ANO4: variants seen among roughly 807,000 people sequenced by gnomAD.
ANO4 encodes the protein anoctamin 4, also known as anoctamin-4.
In ANO4, 69 loss-of-function variants were observed where a neutral mutation model predicts 141.9. The ratio of observed to expected loss-of-function variants is 0.49; its 90% CI spans 0.40 to 0.59. The LOEUF (loss-of-function observed/expected upper bound fraction) is 0.59, where lower values mean the gene tolerates loss of function less well. Ranked by LOEUF, ANO4 falls within the 20% of genes least tolerant of loss-of-function variation. The pLI, the probability that ANO4 is intolerant of heterozygous loss-of-function variation, is 0.00. For missense variants in ANO4, 894 were observed against 1,162.2 expected, an observed-to-expected ratio of 0.77 and a Z score of 3.36; for synonymous variants, 350 against 394.3, an observed-to-expected ratio of 0.89 and a Z score of 1.33.
rs1593379234 is a variant in ANO4 at position 100,806,523 on chromosome 12, C to CTTTTTTTTTTTTTTTTTTTTTTTTTTT, written c.-141+11496_-141+11497insTTTTTTTTTTTTTTTTTTTTTTTTTTT. ...TTTTTAGGAGGTTTTTTTTTTGTTTCGTTTTTTTTTTTTTTTTTTTTTTTT... is the reference window on the plus strand; with the variant it reads ...TTTTTAGGAGGTTTTTTTTTTGTTTCTTTTTTTTTTTTTTTTTTTTTTTTTTTGTTTTTTTTTTTTTTTTTTTTTTTT... On this transcript the variant is annotated intron_variant, in intron 1 of 27. Coordinates refer to ENST00000392977, the MANE Select transcript of ANO4 (RefSeq NM_001286615.2). 3.8e-4 allele frequency among the ~76,000 whole-genome samples: 17 copies of CTTTTTTTTTTTTTTTTTTTTTTTTTTT among 44,966 alleles called. 4 individuals are homozygous for CTTTTTTTTTTTTTTTTTTTTTTTTTTT. Among genetic ancestry groups the CTTTTTTTTTTTTTTTTTTTTTTTTTTT allele is most frequent in the African/African-American group, 7.3e-4 (10 of 13,674 alleles). 29.5% of individuals were successfully genotyped at this position (44,966 alleles called of 152,430 possible).
chr12:100,871,554 A>G (rs1274794152), intron 1 of ANO4, among the ~76,000 whole-genome samples: 1 of 152,196 alleles, frequency 6.6e-6, no homozygotes, highest in Non-Finnish European at 1.5e-5. Context: ...TGTAGACTGA[A>G]TGCCCTGACA....
intron 5 of ANO4, among the ~76,000 whole-genome samples, chr12:100,945,499 T>C (rs951544063): frequency 4.6e-5 from 7 of 152,242 alleles, no homozygotes; most frequent in Admixed American, 2.0e-4. Context: ...ATCTATCCAC[T>C]TAAAGTGATT....
intron 8 of ANO4, among the ~76,000 whole-genome samples, chr12:100,989,073 A>G (rs76999068): frequency 0.032 from 4,844 of 152,192 alleles, 273 homozygotes; most frequent in African/African-American, 0.11. Context: ...CAGTAAGAGC[A>G]GTCTAATGCA....
rs181735135 is a variant in ANO4 at position 101,028,654 on chromosome 12, A to C, written c.842-8441A>C. On this transcript the variant is annotated intron_variant, in intron 9 of 27. Coordinates refer to ENST00000392977, the MANE Select transcript of ANO4 (RefSeq NM_001286615.2). ...AAAAGAATAAAAAGGAACAAACAAAACCTCCAAGAAATATGGGACTTCATA... is the reference window on the plus strand; with the variant it reads ...AAAAGAATAAAAAGGAACAAACAAACCCTCCAAGAAATATGGGACTTCATA... Among the ~76,000 whole-genome samples, 726 of 152,216 alleles carry C rather than the reference A, an allele frequency of 4.8e-3. 9 individuals are homozygous for C. The highest frequency in any genetic ancestry group is 0.016 in the African/African-American group (669 of 41,534).
chr12:101,043,626 A>G lies in ANO4; in HGVS notation c.1242A>G (p.Val414=). The G allele has an allele frequency of 2.5e-6, 4 of 1,608,978 alleles. No homozygotes were observed. Among genetic ancestry groups the G allele is most frequent in the Non-Finnish European group, 3.4e-6 (4 of 1,175,614 alleles). ...CPFMRLSDSC[V]YAKVTHLFDN... The stretch of plus-strand genomic sequence containing the variant: ...TCATGAGGCTGTCAGACAGCTGTGT[A>G]TATGCCAAGGTAATTTCAAACTGTA... The change falls in exon 13 of 28, where the codon GTA becomes GTG. Residue 414 remains valine (V), a synonymous_variant. Transcript: ENST00000392977.
At chr12:101,121,419 T>C (rs1311301385) in intron 26 of ANO4, among the ~76,000 whole-genome samples, 1 of 152,198 alleles carries the variant, frequency 6.6e-6, no homozygotes, top group African/African-American at 2.4e-5. Context: ...GGTTTCATTC[T>C]TTTTTATGGC....
intron 1 of ANO4, among the ~76,000 whole-genome samples, chr12:100,832,832 A>G (rs1416346026): frequency 6.6e-6 from 1 of 152,138 alleles, no homozygotes; most frequent in Non-Finnish European, 1.5e-5. Flanking sequence ...AAATAAAGAG[A>G]AAGTGAAGAA....
At chr12:100,859,804 A>G (rs2038378078) in intron 1 of ANO4, among the ~76,000 whole-genome samples, 1 of 152,070 alleles carries the variant, frequency 6.6e-6, no homozygotes, top group Admixed American at 6.6e-5. Context: ...TGGGTACTTA[A>G]TACTATTAGA....
At chr12:101,107,806 A>C (rs1566259277) in intron 22 of ANO4, among the ~76,000 whole-genome samples, 1 of 152,160 alleles carries the variant, frequency 6.6e-6, no homozygotes, top group Non-Finnish European at 1.5e-5. Flanking sequence ...CACTGACAGC[A>C]GAATGATAGG....
rs1566092116 is a variant in ANO4 at position 100,987,393 on chromosome 12, A to G, written c.603-146A>G. On this transcript the variant is annotated intron_variant, in intron 7 of 27. Transcript: ENST00000392977. Reference sequence around the variant, plus strand: ...CTAGAGTTCTGGCTGTCTTCTTTCCATCTATAAAACAAGGATATCCTGAGT... The same window carrying G: ...CTAGAGTTCTGGCTGTCTTCTTTCCGTCTATAAAACAAGGATATCCTGAGT... The G allele has an allele frequency of 3.9e-6, 4 of 1,021,250 alleles. No homozygotes were observed. In the East Asian group the frequency reaches 7.4e-5, roughly 19 times the overall value. 63.3% of individuals were successfully genotyped at this position (1,021,250 alleles called of 1,614,324 possible).
chr12:100,996,134 A>G (rs2045357434), intron 8 of ANO4, among the ~76,000 whole-genome samples: 1 of 152,194 alleles, frequency 6.6e-6, no homozygotes, highest in Non-Finnish European at 1.5e-5. Context: ...TGTTATCAGG[A>G]TTCACATCTG....
In ANO4 at chr12:100,894,731, C is replaced by T. The variant is rs554093738; in HGVS notation, c.-140-6915C>T. Among the ~76,000 whole-genome samples, 62 of 151,996 alleles carry T rather than the reference C, an allele frequency of 4.1e-4. 1 individual carries two copies. In the South Asian group the frequency reaches 0.013, roughly 32 times the overall value. The stretch of plus-strand genomic sequence containing the variant: ...AAAAGCTCCAGAAAACTTTGGGAGG[C>T]CGAGGCGGGCGGATCACGAGGTCAG... On this transcript the variant is annotated intron_variant, in intron 1 of 27. Transcript: ENST00000392977.
Position 101,072,516 on chromosome 12 carries a change from G to C in ANO4, c.1313-6677G>C, listed in dbSNP as rs143136999. 9.1e-3 allele frequency among the ~76,000 whole-genome samples: 1,388 copies of C among 152,264 alleles called. 58 individuals carry two copies. Among genetic ancestry groups the C allele is most frequent in the Admixed American group, 0.075 (1,148 of 15,294 alleles). ...AAGAAAACCTAGGCAACATCATTCAGGTCATAGGCATGGGCAAAGACTTCA... is the reference window on the plus strand; with the variant it reads ...AAGAAAACCTAGGCAACATCATTCACGTCATAGGCATGGGCAAAGACTTCA... On this transcript the variant is annotated intron_variant, in intron 14 of 27. Coordinates refer to ENST00000392977, the MANE Select transcript of ANO4 (RefSeq NM_001286615.2).
intron 1 of ANO4, among the ~76,000 whole-genome samples, chr12:100,872,664 C>T (rs1196738627): frequency 1.3e-5 from 2 of 152,160 alleles, no homozygotes; most frequent in Admixed American, 1.3e-4. Flanking sequence ...AAATGACCTG[C>T]TTTTTACTTT....
chr12:100,820,750 T>G (rs2036005100), intron 1 of ANO4, among the ~76,000 whole-genome samples: 1 of 152,066 alleles, frequency 6.6e-6, no homozygotes, highest in African/African-American at 2.4e-5. Context: ...GAAGGCCTAT[T>G]CATCCTGGGT....
At chr12:100,721,787 T>A (rs2030878443) in intron 1 of ANO4, among the ~76,000 whole-genome samples, 1 of 152,096 alleles carries the variant, frequency 6.6e-6, no homozygotes, top group Non-Finnish European at 1.5e-5. Context: ...CAAGCAGTCT[T>A]CCTTCATCAG....
intron 1 of ANO4, among the ~76,000 whole-genome samples, chr12:100,825,003 G>A (rs1469335740): frequency 1.3e-5 from 2 of 151,892 alleles, no homozygotes; most frequent in African/African-American, 4.8e-5. Flanking sequence ...AAACAATATG[G>A]CATTGGAACT....
intron 1 of ANO4, chr12:100,717,649 A>AT: frequency 2.5e-6 from 1 of 397,022 alleles, no homozygotes; most frequent in Non-Finnish European, 4.5e-6. Flanking sequence ...GCCTCTGCGG[A>AT]GGGGTCTGGA....
chr12:101,080,627 G>C (rs1475831783), intron 15 of ANO4, among the ~76,000 whole-genome samples: 2 of 151,774 alleles, frequency 1.3e-5, no homozygotes. Flanking sequence ...AGGAGTTCGA[G>C]ACCAGCCTGG....
Sources: gnomAD v4.1 joint callset for allele counts (sites outside exome capture counted in the v4.1 genomes callset) on GRCh38, gnomAD v4.1.1 for gene constraint, MANE v1.5 for transcripts, NCBI Gene and HGNC (gene_info 2026-07-23, HGNC 2026-07-21) for gene names.